ACSL3: variants seen among roughly 807,000 people sequenced by gnomAD.
The protein encoded by ACSL3 is acyl-CoA synthetase long chain family member 3, also known as fatty acid CoA ligase Acsl3.
Under a neutral mutation model 84.7 loss-of-function variants are expected in ACSL3, and 34 were observed. That is an observed-to-expected ratio of 0.40 (90% CI 0.31 to 0.53). The LOEUF (loss-of-function observed/expected upper bound fraction) is 0.53. Ranked by LOEUF, ACSL3 falls within the 20% of genes least tolerant of loss-of-function variation. The pLI is 0.48. For synonymous variants in ACSL3, 315 were observed against 299.4 expected (o/e 1.05, Z -0.54); for missense variants, 680 against 873.1 (o/e 0.78, Z 2.79).
chr2:222,933,839 G>T (rs1410750923), intron 15 of ACSL3: 1 of 152,178 alleles, frequency 6.6e-6, no homozygotes, highest in Admixed American at 6.5e-5. Context: ...CTGTTATCAG[G>T]AAAACTAATT....
Position 222,924,570 on chromosome 2 carries a change from G to A in ACSL3, c.1267G>A (p.Gly423Arg), listed in dbSNP as rs1421620544. 2 of 1,608,896 alleles carry A rather than the reference G, an allele frequency of 1.2e-6. No individual in the cohort carries two copies. Among genetic ancestry groups the A allele is most frequent in the Non-Finnish European group, 8.5e-7 (1 of 1,178,026 alleles). Residue 423 changes from glycine to arginine, a missense_variant, in exon 11 of 17, where the codon GGA becomes AGA. Gly to Arg is a moderately radical substitution (Grantham distance 125). Coordinates refer to ENST00000357430, the MANE Select transcript of ACSL3 (RefSeq NM_004457.5). ...TTACAAAATGGAACAGATTTCAAAA[G>A]GACGTAATACTCCACTGTGCGACAG... ...YNYKMEQISKGRNTPLCDSFV... is the reference protein window; with the variant it reads ...YNYKMEQISKRRNTPLCDSFV...
intron 3 of ACSL3, among the ~76,000 whole-genome samples, chr2:222,903,454 T>C (rs752453508): frequency 3.3e-5 from 5 of 152,266 alleles, no homozygotes; most frequent in Non-Finnish European, 5.9e-5. Flanking sequence ...TTTTCAATTA[T>C]TGATTGCTTT....
intron 11 of ACSL3, 127 bp from the exon 12 acceptor site, chr2:222,926,890 C>G: frequency 2.1e-6 from 2 of 969,304 alleles, no homozygotes; most frequent in Non-Finnish European, 3.0e-6. Context: ...TCCAAATTGG[C>G]TGTGTGACCT....
At chr2:222,933,657 ACTC>A in intron 15 of ACSL3, 3 of 156,630 alleles carry the variant, frequency 1.9e-5, no homozygotes, top group Admixed American at 6.4e-5. Flanking sequence ...CTGCTTACTT[ACTC>A]CTGCTCTACA....
In ACSL3 at chr2:222,901,991, A is replaced by G. The variant is rs200247227; in HGVS notation, c.-41+1211A>G. On this transcript the variant is annotated intron_variant, in intron 3 of 16. Coordinates refer to ENST00000357430, the MANE Select transcript of ACSL3 (RefSeq NM_004457.5). ...AACTCAAATATTGTTGAGGTAGCAA[A>G]TATTCTATCATCTGAAACCTCAGTG... Among the ~76,000 whole-genome samples the G allele has an allele frequency of 2.1e-5, 3 of 145,152 alleles. 1 individual carries two copies. The East Asian group carries it at 6.6e-4, about 32-fold the overall frequency.
chr2:222,918,375 G>A (rs1453924951), intron 6 of ACSL3, among the ~76,000 whole-genome samples: 1 of 151,892 alleles, frequency 6.6e-6, no homozygotes, highest in Non-Finnish European at 1.5e-5. Flanking sequence ...AGATGCCTAT[G>A]TTTAAATTGA....
At chr2:222,907,848 A>G (rs1424623329) in intron 3 of ACSL3, among the ~76,000 whole-genome samples, 2 of 151,944 alleles carry the variant, frequency 1.3e-5, no homozygotes, top group Non-Finnish European at 2.9e-5. Flanking sequence ...AAATAGGCAC[A>G]TGGTACGCTC....
chr2:222,936,625 C>G (rs1318937366), intron 16 of ACSL3, among the ~76,000 whole-genome samples: 1 of 149,546 alleles, frequency 6.7e-6, no homozygotes, highest in East Asian at 2.0e-4. Context: ...CCACCCCACC[C>G]CCGTAGTTAA....
intron 1 of ACSL3, among the ~76,000 whole-genome samples, chr2:222,879,111 G>C (rs1217446228): frequency 6.6e-6 from 1 of 152,184 alleles, no homozygotes; most frequent in East Asian, 1.9e-4. Flanking sequence ...GAGGTCAGGA[G>C]TTCAAGACTA....
At chr2:222,913,673 C>T (rs1696501057) in intron 4 of ACSL3, among the ~76,000 whole-genome samples, 1 of 152,150 alleles carries the variant, frequency 6.6e-6, no homozygotes, top group East Asian at 1.9e-4. Flanking sequence ...ACCTTACTCA[C>T]CTGCTTAATA....
chr2:222,911,044 C>T (rs1367294386), intron 4 of ACSL3, among the ~76,000 whole-genome samples: 1 of 131,648 alleles, frequency 7.6e-6, no homozygotes, highest in African/African-American at 2.7e-5. Flanking sequence ...TCTGGCACTG[C>T]CTTTTTTTTT....
intron 2 of ACSL3, among the ~76,000 whole-genome samples, chr2:222,899,728 G>C (rs1696088508): frequency 6.6e-6 from 1 of 152,046 alleles, no homozygotes; most frequent in African/African-American, 2.4e-5. Flanking sequence ...GGTATACATG[G>C]GAAGATGTGC....
Position 222,930,851 on chromosome 2 carries a change from G to GT in ACSL3, c.1732+39_1732+40insT, listed in dbSNP as rs781655146. Reference sequence around the variant, plus strand: ...TATTTTTTTGAAAATGAATGTTTCTGAAATAGTTTACACAAGAAGCACAAT... The same window carrying GT: ...TATTTTTTTGAAAATGAATGTTTCTGTAAATAGTTTACACAAGAAGCACAAT... On this transcript the variant is annotated intron_variant, in intron 14 of 16. Coordinates refer to ENST00000357430, the MANE Select transcript of ACSL3 (RefSeq NM_004457.5). 1.4e-5 allele frequency: 22 copies of GT among 1,538,088 alleles called. No individual in the cohort carries two copies. The African/African-American group carries it at 2.9e-4, about 20-fold the overall frequency.
chr2:222,901,412 T>C (rs1029684263), intron 3 of ACSL3, among the ~76,000 whole-genome samples: 1 of 152,216 alleles, frequency 6.6e-6, no homozygotes, highest in Non-Finnish European at 1.5e-5. Context: ...TTGATCTATC[T>C]GTCTGTCCTT....
intron 10 of ACSL3, 66 bp downstream of exon 10, chr2:222,923,215 C>A: frequency 1.5e-6 from 2 of 1,295,692 alleles, no homozygotes; most frequent in African/African-American, 1.5e-5. Flanking sequence ...AGCATTAGTG[C>A]TAGTGAAAAA....
At chr2:222,932,237 C>T (rs1420887480) in intron 14 of ACSL3, among the ~76,000 whole-genome samples, 1 of 152,206 alleles carries the variant, frequency 6.6e-6, no homozygotes, top group East Asian at 1.9e-4. Flanking sequence ...TCTTCACCTG[C>T]CTGGTACTAA....
intron 12 of ACSL3, among the ~76,000 whole-genome samples, chr2:222,927,587 T>G (rs1366597900): frequency 6.6e-6 from 1 of 152,214 alleles, no homozygotes; most frequent in Admixed American, 6.5e-5. Context: ...CAGAAATGTT[T>G]ATGAGGATTT....
At chr2:222,888,117 C>G (rs1208630546) in intron 2 of ACSL3, among the ~76,000 whole-genome samples, 1 of 152,158 alleles carries the variant, frequency 6.6e-6, no homozygotes, top group Non-Finnish European at 1.5e-5. Flanking sequence ...TTGAATTTCA[C>G]TAAGTATCTG....
At chr2:222,931,719 A>G (rs908037608) in intron 14 of ACSL3, among the ~76,000 whole-genome samples, 2 of 152,140 alleles carry the variant, frequency 1.3e-5, no homozygotes, top group African/African-American at 4.8e-5. Context: ...GGCCACAACC[A>G]TTTAATGTCT....
Sources: allele counts gnomAD v4.1 joint callset (sites outside exome capture counted in the v4.1 genomes callset), GRCh38; gene constraint gnomAD v4.1.1; transcripts MANE v1.5; gene names NCBI Gene and HGNC (gene_info 2026-07-23, HGNC 2026-07-21).